Variants in C11orf65 observed in about 807,000 individuals in gnomAD.
The protein encoded by C11orf65 is protein MFI.
Under a neutral mutation model 35.3 loss-of-function variants are expected in C11orf65, and 38 were observed. The observed-to-expected ratio is 1.08, with a 90% CI of 0.83 to 1.41. The LOEUF is 1.41. Ranked by LOEUF, C11orf65 falls within the 40% of genes most tolerant of loss-of-function variation. C11orf65 has a pLI of 0.00. For synonymous variants in C11orf65, 105 were observed against 114.4 expected, an observed-to-expected ratio of 0.92 and a Z score of 0.53; for missense variants, 370 against 367.1, an observed-to-expected ratio of 1.01 and a Z score of -0.06.
At chr11:108,451,725 T>G (rs1324070349) in intron 2 of C11orf65, among the ~76,000 whole-genome samples, 1 of 152,182 alleles carries the variant, frequency 6.6e-6, no homozygotes, top group Non-Finnish European at 1.5e-5. Flanking sequence ...AGAACAAAGC[T>G]GGAGGCATCA....
At chr11:108,355,114 T>C (rs2089737994) in intron 2 of C11orf65, 4 of 520,580 alleles carry the variant, frequency 7.7e-6, no homozygotes, top group Non-Finnish European at 6.9e-6. Context: ...TAGTCTCTAG[T>C]TTTCAATTCA....
At chr11:108,343,785 A>T (rs1347592574) in intron 2 of C11orf65, among the ~76,000 whole-genome samples, 1 of 152,158 alleles carries the variant, frequency 6.6e-6, no homozygotes, top group Non-Finnish European at 1.5e-5. Flanking sequence ...CATCTCTAAA[A>T]AACAAACACA....
upstream of C11orf65, among the ~76,000 whole-genome samples, chr11:108,468,079 C>T (rs930425742): frequency 2.4e-4 from 37 of 152,134 alleles, no homozygotes; most frequent in African/African-American, 8.7e-4. Context: ...CGATCCCCCC[C>T]TACCCCATCT....
Position 108,393,393 on chromosome 11 carries a change from G to A in C11orf65, c.561-15C>T. 1 of 1,606,316 alleles carries A rather than the reference G, an allele frequency of 6.2e-7. No homozygotes were observed. The highest frequency in any genetic ancestry group is 1.1e-5 in the South Asian group (1 of 90,542). ...CTGAGTAGTACCTAAATAGGCAAAAGGGAAAGAGAAGTAAATCTTTTGAAA... is the reference window on the plus strand; with the variant it reads ...CTGAGTAGTACCTAAATAGGCAAAAAGGAAAGAGAAGTAAATCTTTTGAAA... On this transcript the variant is annotated splice_polypyrimidine_tract_variant and intron_variant, in intron 6 of 8. Coordinates refer to ENST00000393084, the MANE Select transcript of C11orf65 (RefSeq NM_152587.5).
At chr11:108,412,653 T>C (rs2092678229) in intron 3 of C11orf65, among the ~76,000 whole-genome samples, 1 of 152,114 alleles carries the variant, frequency 6.6e-6, no homozygotes, top group Non-Finnish European at 1.5e-5. Context: ...GGAGGATCAC[T>C]TGAGCCTGGC....
Position 108,362,811 on chromosome 11 carries a change from C to A in C11orf65, c.227-27519G>T, listed in dbSNP as rs190131. Among the ~76,000 whole-genome samples the A allele has an allele frequency of 1.9e-3, 188 of 98,862 alleles. 1 individual carries two copies. Among genetic ancestry groups the A allele is most frequent in the African/African-American group, 6.9e-3 (164 of 23,798 alleles). The allele number at this position is 98,862 out of a possible 152,430, so 64.9% of individuals were successfully genotyped here. ...CTGGGGACTGTGGTGGGGTGGGGGGCGGGGGGAGGGATAGCATTGGGAGAT... is the reference window on the plus strand; with the variant it reads ...CTGGGGACTGTGGTGGGGTGGGGGGAGGGGGGAGGGATAGCATTGGGAGAT... On this transcript the variant is annotated intron_variant, in intron 2 of 3. Transcript: ENST00000524755.
In C11orf65 at chr11:108,353,746, C is replaced by A. The variant is rs777009954; in HGVS notation, c.227-18454G>T. On this transcript the variant is annotated intron_variant, in intron 2 of 3. Coordinates refer to the C11orf65 transcript ENST00000524755. ...AATTAGCTGTCAAACCTCCTAACTT[C>A]ACTGTATTCTTTACTTTAGGTGTTG... is the stretch of plus-strand genomic sequence containing the variant. 1 of 1,563,930 alleles carries A rather than the reference C, an allele frequency of 6.4e-7. No homozygotes were observed.
chr11:108,464,656 G>A (rs1302549482), intron 1 of C11orf65, among the ~76,000 whole-genome samples: 2 of 151,794 alleles, frequency 1.3e-5, no homozygotes, highest in Non-Finnish European at 2.9e-5. Flanking sequence ...CACTGCGCCT[G>A]GTGCACATAT....
intron 6 of C11orf65, among the ~76,000 whole-genome samples, chr11:108,314,871 A>G (rs1322374584): frequency 1.3e-5 from 2 of 152,214 alleles, no homozygotes; most frequent in Admixed American, 6.5e-5. Context: ...GTGTTTATCA[A>G]TACCGTAAGT....
chr11:108,461,016 C>T (rs557804567), intron 2 of C11orf65, among the ~76,000 whole-genome samples: 21 of 152,164 alleles, frequency 1.4e-4, no homozygotes, highest in South Asian at 4.1e-4. Flanking sequence ...TGAGCCACCA[C>T]GCCCGGCCAA....
chr11:108,394,921 A>G (rs1029456729), intron 6 of C11orf65, among the ~76,000 whole-genome samples: 4 of 152,084 alleles, frequency 2.6e-5, no homozygotes, highest in Non-Finnish European at 5.9e-5. Flanking sequence ...ACTTGAAGCC[A>G]GAAGTTTAAG....
intron 3 of C11orf65, among the ~76,000 whole-genome samples, chr11:108,416,195 A>C (rs59534949): frequency 2.0e-5 from 3 of 152,212 alleles, no homozygotes; most frequent in African/African-American, 7.2e-5. Context: ...TGCAAAACAC[A>C]TATCTGATAA....
chr11:108,376,769 T>C (rs1259736640), intron 2 of C11orf65, among the ~76,000 whole-genome samples: 1 of 151,752 alleles, frequency 6.6e-6, no homozygotes, highest in Non-Finnish European at 1.5e-5. Flanking sequence ...AAGAATCAAA[T>C]AGACACAATA....
chr11:108,358,842 T>C (rs2090360628), intron 2 of C11orf65, among the ~76,000 whole-genome samples: 1 of 150,718 alleles, frequency 6.6e-6, no homozygotes, highest in Non-Finnish European at 1.5e-5. Flanking sequence ...TGCAAAATCA[T>C]GCCAAAATGT....
At chr11:108,321,774 G>A (rs1483122076) in intron 6 of C11orf65, among the ~76,000 whole-genome samples, 2 of 150,770 alleles carry the variant, frequency 1.3e-5, no homozygotes, top group African/African-American at 2.4e-5. Context: ...GCAACAGAGC[G>A]AGACTCTGTC....
chr11:108,445,217 C>T (rs1207811222), intron 2 of C11orf65, among the ~76,000 whole-genome samples: 1 of 152,194 alleles, frequency 6.6e-6, no homozygotes, highest in East Asian at 1.9e-4. Flanking sequence ...GTAACCTCTG[C>T]AGACTTACAT....
At chr11:108,417,017 T>C (rs1222913410) in intron 3 of C11orf65, among the ~76,000 whole-genome samples, 2 of 152,216 alleles carry the variant, frequency 1.3e-5, no homozygotes, top group African/African-American at 4.8e-5. Context: ...TTGCAATCTC[T>C]TGAATAAGTT....
intron 2 of C11orf65, among the ~76,000 whole-genome samples, chr11:108,371,262 A>G (rs1187257706): frequency 6.6e-6 from 1 of 152,126 alleles, no homozygotes; most frequent in African/African-American, 2.4e-5. Context: ...AAAATTTACC[A>G]TCTCGTTTTT....
At chr11:108,427,555 TA>T (rs1461478901) in intron 3 of C11orf65, among the ~76,000 whole-genome samples, 4 of 147,480 alleles carry the variant, frequency 2.7e-5, no homozygotes, top group African/African-American at 2.5e-5. Flanking sequence ...CCGTCTCTAC[TA>T]AAAAAAAATA....
Sources: gnomAD v4.1 joint callset for allele counts (sites outside exome capture counted in the v4.1 genomes callset) on GRCh38, gnomAD v4.1.1 for gene constraint, MANE v1.5 for transcripts, NCBI Gene and HGNC (gene_info 2026-07-23, HGNC 2026-07-21) for gene names.